The following RSC1A1 variants were observed in gnomAD, a reference collection of about 807,000 sequenced individuals.
RSC1A1 encodes the protein regulator of solute carriers 1.
In RSC1A1, 6 loss-of-function variants were observed where a neutral mutation model predicts 7.7. That is an observed-to-expected ratio of 0.78 (90% CI 0.43 to 1.53). RSC1A1 has a LOEUF of 1.53. Among genes scored for constraint, RSC1A1 ranks in the 40% most tolerant of loss-of-function variants. The pLI, the probability that RSC1A1 is intolerant of heterozygous loss-of-function variation, is 0.01. For synonymous variants in RSC1A1, 250 were observed against 263.0 expected, an observed-to-expected ratio of 0.95 and a Z score of 0.48; for missense variants, 729 against 726.3, an observed-to-expected ratio of 1.00 and a Z score of -0.04.
chr1:15,661,243 G>A lies in RSC1A1; in HGVS notation c.1375G>A (p.Gly459Ser). 2 of 1,614,138 alleles carry A rather than the reference G, an allele frequency of 1.2e-6. No homozygotes were observed. Among genetic ancestry groups the A allele is most frequent in the Admixed American group, 3.3e-5 (2 of 60,030 alleles). Reference protein sequence around the residue: ...LGDGLSTDKEGVPKSRESINK... With the variant: ...LGDGLSTDKESVPKSRESINK... ...TGATGGCCTGTCAACCGATAAGGAA[G>A]GTGTCCCCAAATCTAGGGAATCCAT... Residue 459 changes from glycine (G) to serine (S), a missense_variant, in exon 1 of 1, where the codon GGT becomes AGT. Coordinates refer to ENST00000345034, the MANE Select transcript of RSC1A1 (RefSeq NM_006511.3).
Position 15,661,256 on chromosome 1 carries a change from C to G in RSC1A1, c.1388C>G (p.Ser463Cys), listed in dbSNP as rs1238897878. 6.2e-6 allele frequency: 10 copies of G among 1,614,054 alleles called. No individual in the cohort carries two copies. The highest frequency in any genetic ancestry group is 1.7e-5 in the Admixed American group (1 of 60,000). ...LSTDKEGVPKSRESINKNRSV... is the reference protein window; with the variant it reads ...LSTDKEGVPKCRESINKNRSV... ...ACCGATAAGGAAGGTGTCCCCAAATCTAGGGAATCCATAAATAAGAACCGT... is the reference window on the plus strand; with the variant it reads ...ACCGATAAGGAAGGTGTCCCCAAATGTAGGGAATCCATAAATAAGAACCGT... Residue 463 changes from serine to cysteine, a missense_variant, in exon 1 of 1, where the codon TCT becomes TGT. Transcript: ENST00000345034.
rs771638311 is a variant in RSC1A1 at position 15,661,323 on chromosome 1, C to T, written c.1455C>T (p.His485=). The part of the protein sequence containing the change: ...VTSAKTSNQL[H]CTLGVEISPK... ...CAGCTAAAACATCCAATCAGTTACA[C>T]TGCACCTTAGGTGTAGAAATTTCAC... Residue 485 remains histidine (H), a synonymous_variant, in exon 1 of 1, where the codon CAC becomes CAT. Coordinates refer to ENST00000345034, the MANE Select transcript of RSC1A1 (RefSeq NM_006511.3). 6.2e-7 allele frequency: 1 copy of T among 1,614,022 alleles called. No homozygotes were observed. The highest frequency in any genetic ancestry group is 2.2e-5 in the East Asian group (1 of 44,872).
At position 15,660,675 on chromosome 1, in the gene RSC1A1, T is replaced by A. The variant is rs147683810; in HGVS notation, c.807T>A (p.Asn269Lys). The A allele has an allele frequency of 1.2e-5, 19 of 1,614,114 alleles. No individual in the cohort carries two copies. In the Admixed American group the frequency reaches 1.5e-4, roughly 13 times the overall value. Residue 269 changes from asparagine to lysine, a missense_variant, in exon 1 of 1, where the codon AAT becomes AAA. Physicochemically the swap from Asn to Lys is moderately conservative, Grantham distance 94. Coordinates refer to ENST00000345034, the MANE Select transcript of RSC1A1 (RefSeq NM_006511.3). The stretch of plus-strand genomic sequence containing the variant: ...TGCTTAATTCAACAGGCAGGCAGAA[T>A]GCCAATGTCAAGAACATTGGTGCAT... ...VTLLNSTGRQ[N>K]ANVKNIGALD...
chr1:15,660,356 G>C lies in RSC1A1; in HGVS notation c.488G>C (p.Ser163Thr). ...HPENQNLSQV[S>T]DPQQHEEPGN... Reference sequence around the variant, plus strand: ...GAAAATCAGAACCTGAGTCAAGTGAGTGACCCTCAGCAGCACGAAGAACCA... The same window carrying C: ...GAAAATCAGAACCTGAGTCAAGTGACTGACCCTCAGCAGCACGAAGAACCA... Residue 163 changes from serine (S) to threonine (T), a missense_variant, in exon 1 of 1, where the codon AGT becomes ACT. Coordinates refer to ENST00000345034, the MANE Select transcript of RSC1A1 (RefSeq NM_006511.3). 6.2e-7 allele frequency: 1 copy of C among 1,614,116 alleles called. No individual in the cohort carries two copies. Among genetic ancestry groups the C allele is most frequent in the Non-Finnish European group, 8.5e-7 (1 of 1,180,018 alleles).
chr1:15,660,058 C>G lies in RSC1A1; in HGVS notation c.190C>G (p.Leu64Val), dbSNP rs1557625297. Residue 64 changes from leucine (L) to valine (V), a missense_variant, in exon 1 of 1, where the codon CTA (leucine) becomes GTA (valine). Leu to Val is a conservative substitution (Grantham distance 32). Transcript: ENST00000345034. ...KALKASAEFQ[L>V]NSEKKEHLSL... ...TTTGAAGGCTTCAGCTGAATTCCAG[C>G]TAAACTCTGAAAAGAAAGAACATCT... The G allele has an allele frequency of 1.2e-6, 2 of 1,613,698 alleles. No individual in the cohort carries two copies. The highest frequency in any genetic ancestry group is 1.7e-6 in the Non-Finnish European group (2 of 1,179,746).
chr1:15,661,660 G>A lies in RSC1A1; in HGVS notation c.1792G>A (p.Gly598Ser). 6.2e-7 allele frequency: 1 copy of A among 1,614,084 alleles called. No homozygotes were observed. Among genetic ancestry groups the A allele is most frequent in the Non-Finnish European group, 8.5e-7 (1 of 1,180,014 alleles). Residue 598 changes from glycine (G) to serine (S), a missense_variant, in exon 1 of 1, where the codon GGT (glycine) becomes AGT (serine). Physicochemically the swap from Gly to Ser is moderately conservative, Grantham distance 56. Coordinates refer to ENST00000345034, the MANE Select transcript of RSC1A1 (RefSeq NM_006511.3). ...AGCTCTTGGAGCTTTGCATCGAGTT[G>A]GTGGGAATGCAGACCTTGCACTTCT... ...QEALGALHRV[G>S]GNADLALLVL... is the part of the protein sequence containing the mutation.
chr1:15,660,119 C>T lies in RSC1A1; in HGVS notation c.251C>T (p.Ala84Val). ...GATCTTTCTGATCATGCTTCCTCAG[C>T]AGACCATGCTCCAACAGACCAGAGT... ...LQDLSDHASS[A>V]DHAPTDQSPA... is the part of the protein sequence containing the mutation. Residue 84 changes from alanine (A) to valine (V), a missense_variant, in exon 1 of 1, where the codon GCA becomes GTA. Physicochemically the swap from Ala to Val is moderately conservative, Grantham distance 64 (BLOSUM62 0). Transcript: ENST00000345034. 1 of 1,614,210 alleles carries T rather than the reference C, an allele frequency of 6.2e-7. No individual in the cohort carries two copies. Among genetic ancestry groups the T allele is most frequent in the Non-Finnish European group, 8.5e-7 (1 of 1,180,040 alleles).
chr1:15,661,790 G>A lies in RSC1A1; in HGVS notation c.*68G>A, dbSNP rs569043312. 15 of 1,503,604 alleles carry A rather than the reference G, an allele frequency of 1.0e-5. No homozygotes were observed. Among genetic ancestry groups the A allele is most frequent in the East Asian group, 9.3e-5 (4 of 43,168 alleles). The allele number at this position is 1,503,604 out of a possible 1,614,324, so 93.1% of individuals were successfully genotyped here. On this transcript the variant is annotated 3_prime_UTR_variant, in exon 1 of 1. Transcript: ENST00000345034. ...AAAAGAAAGCTCTCTCTATATACAC[G>A]CACACATACACACTCACCACATATA...
chr1:15,659,975 C>T lies in RSC1A1; in HGVS notation c.107C>T (p.Ser36Leu). 1.9e-6 allele frequency: 3 copies of T among 1,614,210 alleles called. No individual in the cohort carries two copies. The highest frequency in any genetic ancestry group is 2.5e-6 in the Non-Finnish European group (3 of 1,180,044). The change falls in exon 1 of 1, where the codon TCA becomes TTA. Residue 36 changes from serine to leucine, a missense_variant. By Grantham distance (145) the Ser-to-Leu change is moderately radical. Transcript: ENST00000345034. ...PMSLARSVSA[S>L]VCPIKPSDSD... ...AGTCTTGCTCGCTCTGTCTCTGCTTCAGTCTGCCCTATCAAGCCCAGTGAC... is the reference window on the plus strand; with the variant it reads ...AGTCTTGCTCGCTCTGTCTCTGCTTTAGTCTGCCCTATCAAGCCCAGTGAC...
At position 15,661,744 on chromosome 1, in the gene RSC1A1, C is replaced by A; in HGVS notation, c.*22C>A. ...ATGACTGTGGGAAAGTGGGCTAGACCGTTCTCCATTCCCTTTAAACAAAAG... is the reference window on the plus strand; with the variant it reads ...ATGACTGTGGGAAAGTGGGCTAGACAGTTCTCCATTCCCTTTAAACAAAAG... On this transcript the variant is annotated 3_prime_UTR_variant, in exon 1 of 1. Transcript: ENST00000345034. 1.9e-6 allele frequency: 3 copies of A among 1,580,506 alleles called. No homozygotes were observed. The highest frequency in any genetic ancestry group is 2.3e-5 in the South Asian group (2 of 85,184).
Position 15,660,025 on chromosome 1 carries a change from G to A in RSC1A1, c.157G>A (p.Val53Met), listed in dbSNP as rs1297750491. The A allele has an allele frequency of 1.9e-6, 3 of 1,614,166 alleles. No individual in the cohort carries two copies. The highest frequency in any genetic ancestry group is 2.2e-5 in the East Asian group (1 of 44,886). Reference sequence around the variant, plus strand: ...CTCAGATCGCATTGAACCTAAAGCTGTGAAGGCTTTGAAGGCTTCAGCTGA... The same window carrying A: ...CTCAGATCGCATTGAACCTAAAGCTATGAAGGCTTTGAAGGCTTCAGCTGA... ...SDSDRIEPKA[V>M]KALKASAEFQ... Residue 53 changes from valine to methionine, a missense_variant, in exon 1 of 1, where the codon GTG (valine) becomes ATG (methionine). Transcript: ENST00000345034.
rs1366272714 is a variant in RSC1A1 at position 15,660,556 on chromosome 1, G to A, written c.688G>A (p.Ala230Thr). ...GLPQNVDPPS[A>T]KKSIPSSECS... is the part of the protein sequence containing the mutation. ...CCCACAGAATGTGGATCCTCCAAGT[G>A]CGAAGAAAAGTATTCCATCTTCAGA... The change falls in exon 1 of 1, where the codon GCG becomes ACG. Residue 230 changes from alanine (A) to threonine (T), a missense_variant. Transcript: ENST00000345034. 2 of 1,613,236 alleles carry A rather than the reference G, an allele frequency of 1.2e-6. No individual in the cohort carries two copies. Among genetic ancestry groups the A allele is most frequent in the South Asian group, 1.1e-5 (1 of 90,778 alleles).
rs201236581 is a variant in RSC1A1, at chr1:15,660,080, A to G, written c.212A>G (p.His71Arg). 7.4e-6 allele frequency: 12 copies of G among 1,614,040 alleles called. No homozygotes were observed. The highest frequency in any genetic ancestry group is 4.5e-5 in the East Asian group (2 of 44,884). Residue 71 changes from histidine to arginine, a missense_variant, in exon 1 of 1, where the codon CAT becomes CGT. Transcript: ENST00000345034. ...CAGCTAAACTCTGAAAAGAAAGAAC[A>G]TCTTTCTTTACAAGATCTTTCTGAT... is the stretch of plus-strand genomic sequence containing the variant. ...EFQLNSEKKE[H>R]LSLQDLSDHA...
Position 15,661,218 on chromosome 1 carries a change from T to C in RSC1A1, c.1350T>C (p.Gly450=). The change falls in exon 1 of 1, where the codon GGT becomes GGC. Residue 450 remains glycine (G), a synonymous_variant. Coordinates refer to ENST00000345034, the MANE Select transcript of RSC1A1 (RefSeq NM_006511.3). ...AAAATGTAAACTTCAGGAGTCTAGG[T>C]GATGGCCTGTCAACCGATAAGGAAG... is the stretch of plus-strand genomic sequence containing the variant. ...AVENVNFRSL[G]DGLSTDKEGV... is the part of the protein sequence containing the mutation. 1 of 1,614,170 alleles carries C rather than the reference T, an allele frequency of 6.2e-7. No homozygotes were observed. Among genetic ancestry groups the C allele is most frequent in the Admixed American group, 1.7e-5 (1 of 60,022 alleles).
chr1:15,660,476 A>C lies in RSC1A1; in HGVS notation c.608A>C (p.Gln203Pro), dbSNP rs1312798508. The change falls in exon 1 of 1, where the codon CAA becomes CCA. Residue 203 changes from glutamine (Q) to proline (P), a missense_variant. Gln to Pro is a moderately conservative substitution (Grantham distance 76). Transcript: ENST00000345034. ...IGDLELPEERQQNQHKIVDLE... is the reference protein window; with the variant it reads ...IGDLELPEERPQNQHKIVDLE... Reference sequence around the variant, plus strand: ...GACCTTGAGCTTCCTGAAGAAAGGCAACAGAATCAACACAAAATTGTTGAT... The same window carrying C: ...GACCTTGAGCTTCCTGAAGAAAGGCCACAGAATCAACACAAAATTGTTGAT... 2 of 1,614,068 alleles carry C rather than the reference A, an allele frequency of 1.2e-6. No individual in the cohort carries two copies. The highest frequency in any genetic ancestry group is 2.2e-5 in the South Asian group (2 of 91,042).
At position 15,660,904 on chromosome 1, in the gene RSC1A1, G is replaced by A; in HGVS notation, c.1036G>A (p.Glu346Lys). The change falls in exon 1 of 1, where the codon GAA becomes AAA. Residue 346 changes from glutamate to lysine, a missense_variant. Transcript: ENST00000345034. The part of the protein sequence containing the change: ...GSCQPSVESA[E>K]ESCPSITAAL... ...TTGTCAGCCTTCTGTGGAGTCAGCA[G>A]AAGAATCTTGCCCGTCTATAACGGC... The A allele has an allele frequency of 3.7e-6, 6 of 1,614,002 alleles. No homozygotes were observed. The highest frequency in any genetic ancestry group is 4.2e-6 in the Non-Finnish European group (5 of 1,179,998).
In RSC1A1 at chr1:15,661,160, G is replaced by T. The variant is rs149782354; in HGVS notation, c.1292G>T (p.Gly431Val). The T allele has an allele frequency of 1.8e-4, 291 of 1,613,930 alleles. No individual in the cohort carries two copies. Among genetic ancestry groups the T allele is most frequent in the Non-Finnish European group, 2.2e-4 (262 of 1,180,008 alleles). ...TCAGTGGAGACAGAAAAATTAACAG[G>T]TACTTCATCTGACACTGGAAGAGAA... ...SVSVETEKLTGTSSDTGREAV... is the reference protein window; with the variant it reads ...SVSVETEKLTVTSSDTGREAV... The change falls in exon 1 of 1, where the codon GGT becomes GTT. Residue 431 changes from glycine (G) to valine (V), a missense_variant. Transcript: ENST00000345034.
At position 15,660,394 on chromosome 1, in the gene RSC1A1, T is replaced by G. The variant is rs748024416; in HGVS notation, c.526T>G (p.Tyr176Asp). The change falls in exon 1 of 1, where the codon TAT (tyrosine) becomes GAT (aspartate). Residue 176 changes from tyrosine (Y) to aspartate (D), a missense_variant. Physicochemically the swap from Tyr to Asp is radical, Grantham distance 160 (BLOSUM62 -3). Coordinates refer to ENST00000345034, the MANE Select transcript of RSC1A1 (RefSeq NM_006511.3). ...QQHEEPGNEQ[Y>D]EVAQQKASHD... ...GCACGAAGAACCAGGGAATGAACAG[T>G]ATGAGGTTGCACAACAAAAAGCTTC... 2.5e-6 allele frequency: 4 copies of G among 1,613,794 alleles called. No homozygotes were observed. In the Admixed American group the frequency reaches 6.7e-5, roughly 27 times the overall value.
chr1:15,660,620 T>G lies in RSC1A1; in HGVS notation c.752T>G (p.Ile251Ser), dbSNP rs1570994971. The G allele has an allele frequency of 8.7e-6, 14 of 1,614,126 alleles. No individual in the cohort carries two copies. Among genetic ancestry groups the G allele is most frequent in the Non-Finnish European group, 1.2e-5 (14 of 1,180,020 alleles). Residue 251 changes from isoleucine (I) to serine (S), a missense_variant, in exon 1 of 1, where the codon ATC becomes AGC. Transcript: ENST00000345034. ...GCSNSETFME[I>S]DTAQQSLVTL... ...TCAAATTCAGAAACATTTATGGAAA[T>G]CGATACAGCTCAACAGTCCCTAGTT...
Sources: allele counts gnomAD v4.1 joint callset, GRCh38; gene constraint gnomAD v4.1.1; transcripts MANE v1.5; gene names NCBI Gene and HGNC (gene_info 2026-07-23, HGNC 2026-07-21).